The following ERMP1 variants were observed in gnomAD, a reference collection of about 807,000 sequenced individuals.
ERMP1 encodes the protein Felix-ina.
A neutral mutation model predicts 92.0 loss-of-function variants in ERMP1; 86 were observed. The ratio of observed to expected loss-of-function variants is 0.93; its 90% CI spans 0.79 to 1.12. ERMP1 has a LOEUF of 1.12. ERMP1 is among the 50% of genes most tolerant of loss of function. ERMP1 has a pLI of 0.00. For missense variants in ERMP1, 1,342 were observed against 1,116.3 expected (o/e 1.20, Z -2.88); for synonymous variants, 530 against 412.8 (o/e 1.28, Z -3.44).
intron 6 of ERMP1, chr9:5,856,303 TA>T: frequency 4.0e-6 from 1 of 251,020 alleles, no homozygotes; most frequent in Non-Finnish European, 8.1e-6. Flanking sequence ...GCCATGTCAG[TA>T]ACTTCGGTGT....
chr9:5,826,755 T>A (rs1011239675), intron 2 of ERMP1, among the ~76,000 whole-genome samples: 1 of 152,240 alleles, frequency 6.6e-6, no homozygotes, highest in Non-Finnish European at 1.5e-5. Flanking sequence ...ACTCTCTTTT[T>A]AATTTGACAC....
In ERMP1 at chr9:5,825,142, G is replaced by A. The variant is rs982284124; in HGVS notation, c.718C>T (p.His240Tyr). Reference sequence around the variant, plus strand: ...TTAAAGAGAAATATGACAGCATGATGCAAGGCTTCTGAAGATGTTGACAAG... The same window carrying A: ...TTAAAGAGAAATATGACAGCATGATACAAGGCTTCTGAAGATGTTGACAAG... ...RVLSTSSEALHHAVIFLFNGA... is the reference protein window; with the variant it reads ...RVLSTSSEALYHAVIFLFNGA... The change falls in exon 3 of 15, where the codon CAT becomes TAT. Residue 240 changes from histidine (H) to tyrosine (Y), a missense_variant. His to Tyr is a moderately conservative substitution (Grantham distance 83). Coordinates refer to ENST00000339450, the MANE Select transcript of ERMP1 (RefSeq NM_024896.3). 1 of 1,613,884 alleles carries A rather than the reference G, an allele frequency of 6.2e-7. No individual in the cohort carries two copies. The highest frequency in any genetic ancestry group is 8.5e-7 in the Non-Finnish European group (1 of 1,179,898).
intron 8 of ERMP1, among the ~76,000 whole-genome samples, chr9:5,806,428 CTTTTTT>C (rs772362220): frequency 7.1e-6 from 1 of 140,272 alleles, no homozygotes; most frequent in Non-Finnish European, 1.6e-5. Context: ...GCCATATAAA[CTTTTTT>C]TTTTTTTTTT....
chr9:5,793,991 T>G (rs1172398599), intron 13 of ERMP1, among the ~76,000 whole-genome samples: 1 of 152,102 alleles, frequency 6.6e-6, no homozygotes, highest in Non-Finnish European at 1.5e-5. Context: ...CACATTATTT[T>G]CAAGCATACT....
intron 4 of ERMP1, among the ~76,000 whole-genome samples, chr9:5,813,857 T>C (rs1586800287): frequency 6.7e-6 from 1 of 148,336 alleles, no homozygotes; most frequent in Non-Finnish European, 1.5e-5. Flanking sequence ...TTTTATAATT[T>C]ATATAATTAT....
chr9:5,797,066 G>T (rs929638677), intron 13 of ERMP1, among the ~76,000 whole-genome samples: 8 of 151,402 alleles, frequency 5.3e-5, no homozygotes, highest in Non-Finnish European at 1.0e-4. Flanking sequence ...TTTGAGACAG[G>T]GTCTTGCTCT....
At chr9:5,843,773 T>C in intron 6 of ERMP1, among the ~76,000 whole-genome samples, 1 of 152,222 alleles carries the variant, frequency 6.6e-6, no homozygotes, top group East Asian at 1.9e-4. Context: ...GAGTCTTCTC[T>C]CTCATCCCCA....
intron 7 of ERMP1, among the ~76,000 whole-genome samples, chr9:5,810,699 C>A (rs1563758819): frequency 6.6e-6 from 1 of 152,002 alleles, no homozygotes; most frequent in Non-Finnish European, 1.5e-5. Flanking sequence ...TAACAGCACA[C>A]AACAACTTAG....
At chr9:5,841,288 G>A (rs920097873) in intron 6 of ERMP1, among the ~76,000 whole-genome samples, 2 of 152,166 alleles carry the variant, frequency 1.3e-5, no homozygotes, top group Non-Finnish European at 2.9e-5. Context: ...ATGAAGTACT[G>A]ATACGTACTA....
chr9:5,862,208 T>C (rs1830520745), intron 5 of ERMP1, among the ~76,000 whole-genome samples: 1 of 151,332 alleles, frequency 6.6e-6, no homozygotes, highest in African/African-American at 2.4e-5. Flanking sequence ...TTTTAAATTA[T>C]TTTTGTAGAG....
intron 10 of ERMP1, among the ~76,000 whole-genome samples, chr9:5,803,544 T>C (rs995336945): frequency 6.6e-6 from 1 of 152,194 alleles, no homozygotes; most frequent in Non-Finnish European, 1.5e-5. Flanking sequence ...TCATCTTTTA[T>C]GGACATCCAT....
At chr9:5,823,230 T>C (rs1272649425) in intron 4 of ERMP1, among the ~76,000 whole-genome samples, 2 of 152,066 alleles carry the variant, frequency 1.3e-5, no homozygotes, top group African/African-American at 4.8e-5. Flanking sequence ...GGCTGCATGA[T>C]GGCACCAGTG....
At chr9:5,812,647 G>C (rs1829139896) in intron 5 of ERMP1, 1 of 539,496 alleles carries the variant, frequency 1.9e-6, no homozygotes, top group Non-Finnish European at 3.3e-6. Context: ...TGGGAATGAG[G>C]TGCTAAACAG....
intron 4 of ERMP1, among the ~76,000 whole-genome samples, chr9:5,814,842 T>C (rs1046314276): frequency 7.2e-5 from 11 of 152,094 alleles, no homozygotes; most frequent in African/African-American, 9.7e-5. Flanking sequence ...TCTAAAATAA[T>C]TATGATTAAT....
At chr9:5,831,669 C>T (rs1394928270) in intron 1 of ERMP1, among the ~76,000 whole-genome samples, 2 of 152,160 alleles carry the variant, frequency 1.3e-5, no homozygotes, top group African/African-American at 2.4e-5. Flanking sequence ...GTGCATACTC[C>T]TGAACGTTAC....
chr9:5,805,725 A>G lies in ERMP1; in HGVS notation c.1609T>C (p.Cys537Arg). 1.2e-6 allele frequency: 2 copies of G among 1,613,248 alleles called. No individual in the cohort carries two copies. Among genetic ancestry groups the G allele is most frequent in the African/African-American group, 1.3e-5 (1 of 74,946 alleles). ...TGGTAAGTGAGGGTAACAAGAAAAC[A>G]GCAATGGACAAACAGCGAAATGTCA... ...FFDISLFVHC[C>R]FLVTLTYQGL... The change falls in exon 9 of 15, where the codon TGT (cysteine) becomes CGT (arginine). Residue 537 changes from cysteine (C) to arginine (R), a missense_variant. Cys to Arg is a radical substitution (Grantham distance 180). Transcript: ENST00000339450.
intron 6 of ERMP1, chr9:5,856,472 C>T: frequency 5.9e-6 from 1 of 170,920 alleles, no homozygotes; most frequent in Non-Finnish European, 1.2e-5. Context: ...CCAAGACGAC[C>T]AGAGGGAGCA....
At chr9:5,808,103 G>A (rs113325341) in intron 8 of ERMP1, among the ~76,000 whole-genome samples, 2 of 152,266 alleles carry the variant, frequency 1.3e-5, no homozygotes, top group South Asian at 2.1e-4. Context: ...GATTACAGGT[G>A]TAAGCCACCA....
chr9:5,787,452 C>A lies in ERMP1; in HGVS notation c.2528G>T (p.Trp843Leu). The change falls in exon 14 of 15, where the codon TGG (tryptophan) becomes TTG (leucine). Residue 843 changes from tryptophan (W) to leucine (L), a missense_variant. Coordinates refer to ENST00000339450, the MANE Select transcript of ERMP1 (RefSeq NM_024896.3). ...FYSHGLQASA[W>L]QFWIEVQVSE... ...CACCTGCACTTCTATCCAGAACTGC[C>A]ATGCAGAGGCCTGGAGTCCATGGGA... 6.2e-7 allele frequency: 1 copy of A among 1,613,502 alleles called. No homozygotes were observed. Among genetic ancestry groups the A allele is most frequent in the South Asian group, 1.1e-5 (1 of 90,964 alleles).
Sources: allele counts gnomAD v4.1 joint callset (sites outside exome capture counted in the v4.1 genomes callset), GRCh38; gene constraint gnomAD v4.1.1; transcripts MANE v1.5; gene names NCBI Gene and HGNC (gene_info 2026-07-23, HGNC 2026-07-21).